The following SH3BP5L variants were observed in gnomAD, a reference collection of about 807,000 sequenced individuals.
SH3BP5L encodes the protein SH3 binding domain protein 5 like.
Under a neutral mutation model 40.9 loss-of-function variants are expected in SH3BP5L, and 16 were observed. That is an observed-to-expected ratio of 0.39 (90% CI 0.27 to 0.59). The LOEUF (loss-of-function observed/expected upper bound fraction) is 0.59. SH3BP5L is among the 20% of genes least tolerant of loss of function. The probability of loss-of-function intolerance (pLI) is 0.53; values close to 1 mark genes in which losing one functional copy is unlikely to be tolerated. For synonymous variants in SH3BP5L, 229 were observed against 226.7 expected (o/e 1.01, Z -0.09); for missense variants, 471 against 544.6 (o/e 0.86, Z 1.35).
intron 2 of SH3BP5L, among the ~76,000 whole-genome samples, chr1:248,818,986 G>A (rs1049048913): frequency 2.0e-5 from 3 of 152,176 alleles, no homozygotes; most frequent in Non-Finnish European, 4.4e-5. Context: ...TCATATGGCC[G>A]TGATGTTGGC....
chr1:248,815,831 C>T (rs749473152), intron 4 of SH3BP5L, among the ~76,000 whole-genome samples: 1 of 152,210 alleles, frequency 6.6e-6, no homozygotes, highest in African/African-American at 2.4e-5. Context: ...CACACTAAGG[C>T]GCTGCGCTTT....
At position 248,812,974 on chromosome 1, in the gene SH3BP5L, C is replaced by T. The variant is rs1422767174; in HGVS notation, c.711+15G>A. 6.4e-7 allele frequency: 1 copy of T among 1,562,600 alleles called. No individual in the cohort carries two copies. Among genetic ancestry groups the T allele is most frequent in the Middle Eastern group, 1.7e-4 (1 of 5,828 alleles). ...CCACCTACCCATTCCTCCTCCCCCT[C>T]ACCCACTCAGCTACCTCCAGGATCT... On this transcript the variant is annotated intron_variant, in intron 6 of 6. Transcript: ENST00000366472. This position sits in a 1 kb window ranked among gnomAD's most constrained non-coding sequence, Gnocchi z 6.1.
intron 4 of SH3BP5L, chr1:248,814,909 T>C (rs1572180919): frequency 2.1e-6 from 1 of 479,122 alleles, no homozygotes; most frequent in East Asian, 4.8e-5. Flanking sequence ...ACAAACCATT[T>C]TAGTGTAAGG....
chr1:248,825,893 T>G lies in SH3BP5L; in HGVS notation c.-490A>C, dbSNP rs930688849. 280 of 554,278 alleles carry G rather than the reference T, an allele frequency of 5.1e-4. No homozygotes were observed. The highest frequency in any genetic ancestry group is 5.7e-4 in the Non-Finnish European group (257 of 450,816). The allele number at this position is 554,278 out of a possible 1,614,324, so 34.3% of individuals were successfully genotyped here. A position where few individuals can be genotyped will look rare whatever the true frequency, so the allele number is the denominator to read the frequency against. On this transcript the variant is annotated 5_prime_UTR_variant, in exon 1 of 7. Transcript: ENST00000366472. ...GCTGCAAACAATCTCCCCCCCTCCC[T>G]CCCCGCAACAAGCCGATCCAACCAA...
Position 248,812,164 on chromosome 1 carries a change from G to A in SH3BP5L, c.918C>T (p.Ser306=). The change falls in exon 7 of 7, where the codon AGC becomes AGT. Residue 306 remains serine, a synonymous_variant. Coordinates refer to ENST00000366472, the MANE Select transcript of SH3BP5L (RefSeq NM_030645.3). The surrounding 1 kb of genome is among the most constrained non-coding windows in gnomAD (Gnocchi z 6.1). ...AGPEDMEDGD[S]GIEGAEGAGL... ...CCGCACCCTCGGCCCCCTCAATCCCGCTGTCTCCGTCCTCCATGTCCTCGG... is the reference window on the plus strand; with the variant it reads ...CCGCACCCTCGGCCCCCTCAATCCCACTGTCTCCGTCCTCCATGTCCTCGG... The A allele has an allele frequency of 6.3e-7, 1 of 1,596,808 alleles. No homozygotes were observed.
intron 5 of SH3BP5L, chr1:248,813,474 G>A (rs982299517): frequency 9.3e-6 from 3 of 323,706 alleles, no homozygotes; most frequent in Non-Finnish European, 1.7e-5. Context: ...CAGCTTTGCT[G>A]CTGCCAGGAA....
chr1:248,822,725 A>AC (rs1664283124), intron 2 of SH3BP5L, among the ~76,000 whole-genome samples: 1 of 150,620 alleles, frequency 6.6e-6, no homozygotes, highest in South Asian at 2.1e-4. Flanking sequence ...GTGCAGTGGC[A>AC]GATCTCAGCT....
chr1:248,814,774 T>C (rs1664058169), intron 4 of SH3BP5L, 164 bp from the exon 5 acceptor site: 1 of 758,356 alleles, frequency 1.3e-6, no homozygotes, highest in Non-Finnish European at 2.3e-6. Flanking sequence ...CAACATTCTA[T>C]AAAGAATATT....
At position 248,824,846 on chromosome 1, in the gene SH3BP5L, G is replaced by C; in HGVS notation, c.90C>G (p.Ser30Arg). The C allele has an allele frequency of 6.2e-7, 1 of 1,614,128 alleles. No homozygotes were observed. The highest frequency in any genetic ancestry group is 8.5e-7 in the Non-Finnish European group (1 of 1,180,006). The change falls in exon 2 of 7, where the codon AGC becomes AGG. Residue 30 changes from serine to arginine, a missense_variant. Ser to Arg is a moderately radical substitution (Grantham distance 110). Transcript: ENST00000366472. Reference sequence around the variant, plus strand: ...CTCCTCCAGGCTCTTCTGCGACTGGGCTCCTAGGGACTTCATCCTCTACAA... The same window carrying C: ...CTCCTCCAGGCTCTTCTGCGACTGGCCTCCTAGGGACTTCATCCTCTACAA... Reference protein sequence around the residue: ...PEVVEDEVPRSPVAEEPGGGG... With the variant: ...PEVVEDEVPRRPVAEEPGGGG...
chr1:248,816,005 A>C (rs1664095919), intron 4 of SH3BP5L: 1 of 156,622 alleles, frequency 6.4e-6, no homozygotes, highest in Admixed American at 6.1e-5. Flanking sequence ...CAGGAAACAA[A>C]ATGCATGAAA....
intron 2 of SH3BP5L, among the ~76,000 whole-genome samples, chr1:248,823,879 C>T (rs1664310765): frequency 6.6e-6 from 1 of 152,234 alleles, no homozygotes; most frequent in South Asian, 2.1e-4. Context: ...CCCAAACATG[C>T]AGGAGCATCC....
rs1370422759 is a variant in SH3BP5L at position 248,810,966 on chromosome 1, C to T, written c.*934G>A. ...GAGCACCAAATTCCCTAACCCCGTCCTGCAGGAGGGTGCTGAGTCAGTTCA... is the reference window on the plus strand; with the variant it reads ...GAGCACCAAATTCCCTAACCCCGTCTTGCAGGAGGGTGCTGAGTCAGTTCA... On this transcript the variant is annotated 3_prime_UTR_variant, in exon 7 of 7. Transcript: ENST00000366472. 1 of 152,708 alleles carries T rather than the reference C, an allele frequency of 6.5e-6. No homozygotes were observed. Among genetic ancestry groups the T allele is most frequent in the Non-Finnish European group, 1.5e-5 (1 of 68,090 alleles). 9.5% of individuals were successfully genotyped at this position (152,708 alleles called of 1,614,324 possible). A position where few individuals can be genotyped will look rare whatever the true frequency, so the allele number is the denominator to read the frequency against.
At position 248,812,086 on chromosome 1, in the gene SH3BP5L, G is replaced by C. The variant is rs764748309; in HGVS notation, c.996C>G (p.Thr332=). The change falls in exon 7 of 7, where the codon ACC becomes ACG. Residue 332 remains threonine, a synonymous_variant. Coordinates refer to ENST00000366472, the MANE Select transcript of SH3BP5L (RefSeq NM_030645.3). The surrounding 1 kb of genome is among the most constrained non-coding windows in gnomAD (Gnocchi z 6.1). ...LGPGPAPDTD[T]LSLLSLRTVA... ...CCGTGCGCAGGCTCAGCAGACTCAG[G>C]GTATCGGTGTCGGGGGCGGGGCCGG... The C allele has an allele frequency of 6.2e-7, 1 of 1,612,330 alleles. No individual in the cohort carries two copies. The highest frequency in any genetic ancestry group is 8.5e-7 in the Non-Finnish European group (1 of 1,179,252).
In SH3BP5L at chr1:248,821,396, G is replaced by A. The variant is rs930320675; in HGVS notation, c.183+3357C>T. On this transcript the variant is annotated intron_variant, in intron 2 of 6. Coordinates refer to ENST00000366472, the MANE Select transcript of SH3BP5L (RefSeq NM_030645.3). The surrounding 1 kb of genome is among the most constrained non-coding windows in gnomAD (Gnocchi z 4.6). Reference sequence around the variant, plus strand: ...CAGGATGCCAGGACACTGAATCAAAGGCATGGGGACTCAGGCTGCAGATGC... The same window carrying A: ...CAGGATGCCAGGACACTGAATCAAAAGCATGGGGACTCAGGCTGCAGATGC... 6.6e-6 allele frequency: 1 copy of A among 152,364 alleles called. No homozygotes were observed. The highest frequency in any genetic ancestry group is 2.4e-5 in the African/African-American group (1 of 41,446). The allele number at this position is 152,364 out of a possible 1,614,324, so 9.4% of individuals were successfully genotyped here. A position where few individuals can be genotyped will look rare whatever the true frequency, so the allele number is the denominator to read the frequency against.
Position 248,812,640 on chromosome 1 carries a change from G to A in SH3BP5L, c.712-270C>T, listed in dbSNP as rs190312479. 8.5e-5 allele frequency among the ~76,000 whole-genome samples: 13 copies of A among 152,132 alleles called. No homozygotes were observed. The highest frequency in any genetic ancestry group is 3.1e-4 in the African/African-American group (13 of 41,498). Reference sequence around the variant, plus strand: ...CCACCTTCCAGAGCCTTCCTCTCAGGCCTTCCTCTCCACCAGCTCCTGCTT... The same window carrying A: ...CCACCTTCCAGAGCCTTCCTCTCAGACCTTCCTCTCCACCAGCTCCTGCTT... On this transcript the variant is annotated intron_variant, in intron 6 of 6. Coordinates refer to ENST00000366472, the MANE Select transcript of SH3BP5L (RefSeq NM_030645.3). This position sits in a 1 kb window ranked among gnomAD's most constrained non-coding sequence, Gnocchi z 6.1.
intron 2 of SH3BP5L, among the ~76,000 whole-genome samples, chr1:248,818,715 A>G (rs1664175049): frequency 6.6e-6 from 1 of 152,228 alleles, no homozygotes; most frequent in African/African-American, 2.4e-5. Flanking sequence ...TACTGGCCTC[A>G]AGTCATCCTC....
chr1:248,813,130 A>C lies in SH3BP5L; in HGVS notation c.570T>G (p.Gly190=), dbSNP rs1572179460. Residue 190 remains glycine (G), a synonymous_variant, in exon 6 of 7, where the codon GGT becomes GGG. Transcript: ENST00000366472. ...VNEAEEERLR[G]EREHQRVTRL... is the part of the protein sequence containing the mutation. ...GAGTCACTCGCTGGTGCTCCCGCTCACCTCGAAGCCGCTCTTCCTCCGCCT... is the reference window on the plus strand; with the variant it reads ...GAGTCACTCGCTGGTGCTCCCGCTCCCCTCGAAGCCGCTCTTCCTCCGCCT... The C allele has an allele frequency of 6.2e-7, 1 of 1,604,208 alleles. No individual in the cohort carries two copies.
In SH3BP5L at chr1:248,821,625, A is replaced by C. The variant is rs1284077870; in HGVS notation, c.183+3128T>G. ...GAATGCAACCACTAAGAGGGGGCTG[A>C]GAAAGTCACAGAACAGACCCAGGTC... On this transcript the variant is annotated intron_variant, in intron 2 of 6. Coordinates refer to ENST00000366472, the MANE Select transcript of SH3BP5L (RefSeq NM_030645.3). This position sits in a 1 kb window ranked among gnomAD's most constrained non-coding sequence, Gnocchi z 4.6. Among the ~76,000 whole-genome samples, 1 of 152,082 alleles carries C rather than the reference A, an allele frequency of 6.6e-6. No individual in the cohort carries two copies. Among genetic ancestry groups the C allele is most frequent in the Non-Finnish European group, 1.5e-5 (1 of 67,996 alleles).
rs1305601828 is a variant in SH3BP5L, at chr1:248,812,815, G to C, written c.711+174C>G. ...GCCCCCATCACCAGCCCCCATCCCT[G>C]CCTCTCACTCCTGCAAGGTCATTTG... On this transcript the variant is annotated intron_variant, in intron 6 of 6. Coordinates refer to ENST00000366472, the MANE Select transcript of SH3BP5L (RefSeq NM_030645.3). The surrounding 1 kb of genome is among the most constrained non-coding windows in gnomAD (Gnocchi z 6.1). Among the ~76,000 whole-genome samples the C allele has an allele frequency of 2.8e-5, 4 of 145,324 alleles. No homozygotes were observed. The highest frequency in any genetic ancestry group is 1.0e-4 in the African/African-American group (4 of 38,580).
Sources: gnomAD v4.1 joint callset for allele counts (sites outside exome capture counted in the v4.1 genomes callset) on GRCh38, gnomAD v4.1.1 for gene constraint, Gnocchi (gnomAD v3.1) non-coding constraint, MANE v1.5 for transcripts, NCBI Gene and HGNC (gene_info 2026-07-23, HGNC 2026-07-21) for gene names.